The following MEIOC variants were observed in gnomAD, a reference collection of about 807,000 sequenced individuals.
MEIOC encodes the protein meiosis-specific coiled-coil domain-containing protein MEIOC.
Under a neutral mutation model 85.3 loss-of-function variants are expected in MEIOC, and 9 were observed. The ratio of observed to expected loss-of-function variants is 0.11; its 90% CI spans 0.06 to 0.18. The LOEUF (loss-of-function observed/expected upper bound fraction) is 0.18. Among genes scored for constraint, MEIOC ranks in the 10% least tolerant of loss-of-function variants. The pLI is 1.00. For missense variants in MEIOC, 898 were observed against 1,129.4 expected (o/e 0.80, Z 2.94); for synonymous variants, 365 against 393.7 (o/e 0.93, Z 0.86).
chr17:44,672,891 A>G lies in MEIOC; in HGVS notation c.2458-475A>G, dbSNP rs376033810. On this transcript the variant is annotated intron_variant, in intron 6 of 7. Transcript: ENST00000409122. ...AAAGCTATCACTAGTCAGTATTACT[A>G]TCTGAATATTTCTGATTTCCAAAAA... is the stretch of plus-strand genomic sequence containing the variant. Among the ~76,000 whole-genome samples, 25 of 152,336 alleles carry G rather than the reference A, an allele frequency of 1.6e-4. 1 individual carries two copies. Among genetic ancestry groups the G allele is most frequent in the Admixed American group, 3.3e-4 (5 of 15,296 alleles).
chr17:44,667,432 T>C lies in MEIOC; in HGVS notation c.1521T>C (p.Ala507=). Reference sequence around the variant, plus strand: ...AATTAAATAGTCATTTAAGTGCAGCTTCAAAAGGTTCTAACCATTCTTCAG... The same window carrying C: ...AATTAAATAGTCATTTAAGTGCAGCCTCAAAAGGTTCTAACCATTCTTCAG... The part of the protein sequence containing the change: ...LMKLNSHLSA[A]SKGSNHSSDF... Residue 507 remains alanine (A), a synonymous_variant, in exon 5 of 8, where the codon GCT becomes GCC. Coordinates refer to ENST00000409122, the MANE Select transcript of MEIOC (RefSeq NM_001145080.3). 6.2e-7 allele frequency: 1 copy of C among 1,613,774 alleles called. No homozygotes were observed. The highest frequency in any genetic ancestry group is 8.5e-7 in the Non-Finnish European group (1 of 1,179,800).
Position 44,667,175 on chromosome 17 carries a change from T to C in MEIOC, c.1264T>C (p.Tyr422His). The change falls in exon 5 of 8, where the codon TAT becomes CAT. Residue 422 changes from tyrosine to histidine, a missense_variant. Tyr to His is a moderately conservative substitution (Grantham distance 83). Transcript: ENST00000409122. ...TGCTGATTTTGGCTTAACATCAGAA[T>C]ATGGACTAAAACCTCACACAGCTTG... The part of the protein sequence containing the change: ...FTADFGLTSE[Y>H]GLKPHTACPA... 6.2e-7 allele frequency: 1 copy of C among 1,613,904 alleles called. No homozygotes were observed. The highest frequency in any genetic ancestry group is 8.5e-7 in the Non-Finnish European group (1 of 1,179,870).
chr17:44,672,418 G>A (rs935039623), intron 6 of MEIOC, among the ~76,000 whole-genome samples: 4 of 152,144 alleles, frequency 2.6e-5, no homozygotes, highest in African/African-American at 9.7e-5. Context: ...ACACAGTTGA[G>A]AGGAAAATAT....
In MEIOC at chr17:44,667,846, T is replaced by TA; in HGVS notation, c.1936dup (p.Ser646LysfsTer10). 6.2e-7 allele frequency: 1 copy of TA among 1,613,994 alleles called. No homozygotes were observed. Among genetic ancestry groups the TA allele is most frequent in the Non-Finnish European group, 8.5e-7 (1 of 1,179,896 alleles). Reference sequence around the variant, plus strand: ...TACTGGAGTCACAGGGTCATTCTAATAGCCACAGAACGAGAGGTGGAGACA... The same window carrying TA: ...TACTGGAGTCACAGGGTCATTCTAATAAGCCACAGAACGAGAGGTGGAGACA... On this transcript the variant is annotated frameshift_variant, in exon 5 of 8. Transcript: ENST00000409122. LOFTEE classifies it high-confidence loss of function.
downstream of MEIOC, chr17:44,676,875 G>T (rs1287625406): frequency 4.8e-5 from 39 of 817,462 alleles, no homozygotes; most frequent in Non-Finnish European, 5.8e-5. Flanking sequence ...AGACGTAAAG[G>T]ATTTATTAGC....
Position 44,666,477 on chromosome 17 carries a change from T to C in MEIOC, c.566T>C (p.Val189Ala), listed in dbSNP as rs1235969060. The C allele has an allele frequency of 1.3e-6, 2 of 1,584,124 alleles. No individual in the cohort carries two copies. The highest frequency in any genetic ancestry group is 2.7e-5 in the African/African-American group (2 of 74,436). Reference sequence around the variant, plus strand: ...GAAACCAAAAGGCCAATAGATACAGTCATCTCTCAGCAAGCTTTTTATAGT... The same window carrying C: ...GAAACCAAAAGGCCAATAGATACAGCCATCTCTCAGCAAGCTTTTTATAGT... ...LTETKRPIDTVISQQAFYSDE... is the reference protein window; with the variant it reads ...LTETKRPIDTAISQQAFYSDE... The change falls in exon 5 of 8, where the codon GTC (valine) becomes GCC (alanine). Residue 189 changes from valine to alanine, a missense_variant. Coordinates refer to ENST00000409122, the MANE Select transcript of MEIOC (RefSeq NM_001145080.3).
Position 44,667,645 on chromosome 17 carries a change from G to T in MEIOC, c.1734G>T (p.Thr578=). The T allele has an allele frequency of 6.2e-7, 1 of 1,612,202 alleles. No homozygotes were observed. Among genetic ancestry groups the T allele is most frequent in the Non-Finnish European group, 8.5e-7 (1 of 1,179,114 alleles). ...AAGAAAATCTCTTCAAATTGGTTACGGATAAAAAAATAAAGCAGCCAAATG... is the reference window on the plus strand; with the variant it reads ...AAGAAAATCTCTTCAAATTGGTTACTGATAAAAAAATAAAGCAGCCAAATG... ...PGEENLFKLV[T]DKKIKQPNGF... is the part of the protein sequence containing the mutation. Residue 578 remains threonine, a synonymous_variant, in exon 5 of 8, where the codon ACG becomes ACT. Transcript: ENST00000409122.
At chr17:44,669,561 A>T (rs1008126892) in intron 6 of MEIOC, 44 bp downstream of exon 6, 39 of 1,546,286 alleles carry the variant, frequency 2.5e-5, no homozygotes, top group Admixed American at 3.9e-5. Flanking sequence ...TTTTTGTTAA[A>T]TTTTTTTTAA....
intron 2 of MEIOC, among the ~76,000 whole-genome samples, chr17:44,660,238 A>T (rs1272518730): frequency 1.3e-5 from 2 of 151,238 alleles, no homozygotes; most frequent in East Asian, 1.9e-4. Context: ...ATTTTATTTT[A>T]TTTATTTATT....
Position 44,666,595 on chromosome 17 carries a change from T to C in MEIOC, c.684T>C (p.Thr228=). 6.2e-7 allele frequency: 1 copy of C among 1,610,978 alleles called. No homozygotes were observed. Among genetic ancestry groups the C allele is most frequent in the Non-Finnish European group, 8.5e-7 (1 of 1,178,350 alleles). The change falls in exon 5 of 8, where the codon ACT becomes ACC. Residue 228 remains threonine, a synonymous_variant. Transcript: ENST00000409122. ...TAGATGAACTTCATCATGGATTTAC[T>C]GGTTTAGATCTTGAAGAACAATGGA... ...QKIDELHHGF[T]GLDLEEQWMY...
chr17:44,664,937 AAATAG>A lies in MEIOC; in HGVS notation c.360-440_360-436del, dbSNP rs530853851. The stretch of plus-strand genomic sequence containing the variant: ...ATCCAATATTAATATAGAGTCACAA[AAATAG>A]AATAGAGCATCAGGTTCATATGGTT... On this transcript the variant is annotated intron_variant, in intron 3 of 7. Transcript: ENST00000409122. Among the ~76,000 whole-genome samples the A allele has an allele frequency of 5.8e-3, 888 of 152,322 alleles. 8 individuals carry two copies. Among genetic ancestry groups the A allele is most frequent in the African/African-American group, 0.02 (845 of 41,580 alleles).
rs771522520 is a variant in MEIOC at position 44,674,245 on chromosome 17, C to T, written c.*49C>T. The T allele has an allele frequency of 1.3e-6, 2 of 1,496,210 alleles. No individual in the cohort carries two copies. Among genetic ancestry groups the T allele is most frequent in the Middle Eastern group, 4.6e-4 (2 of 4,322 alleles). The allele number at this position is 1,496,210 out of a possible 1,614,324, so 92.7% of individuals were successfully genotyped here. ...TAAAAAGCTGATAAATATACCAAGA[C>T]ATGCTAAAAATGTTTTAATGAACTT... On this transcript the variant is annotated 3_prime_UTR_variant, in exon 8 of 8. Transcript: ENST00000409122.
chr17:44,667,939 T>C lies in MEIOC; in HGVS notation c.2028T>C (p.His676=). 9 of 1,613,930 alleles carry C rather than the reference T, an allele frequency of 5.6e-6. No homozygotes were observed. The highest frequency in any genetic ancestry group is 7.6e-6 in the Non-Finnish European group (9 of 1,179,844). ...SNNYMMGDLR[H]NQCFQQLGSN... Reference sequence around the variant, plus strand: ...ATTATATGATGGGAGATTTAAGGCATAATCAGTGTTTTCAACAACTTGGTT... The same window carrying C: ...ATTATATGATGGGAGATTTAAGGCACAATCAGTGTTTTCAACAACTTGGTT... Residue 676 remains histidine (H), a synonymous_variant, in exon 5 of 8, where the codon CAT becomes CAC. Transcript: ENST00000409122.
chr17:44,659,066 C>T (rs1380087853), intron 2 of MEIOC, among the ~76,000 whole-genome samples: 3 of 151,998 alleles, frequency 2.0e-5, no homozygotes, highest in African/African-American at 7.3e-5. Flanking sequence ...CTCACCAAGA[C>T]ATTTAGATTT....
intron 6 of MEIOC, chr17:44,669,721 G>T (rs975269085): frequency 4.1e-6 from 2 of 493,510 alleles, no homozygotes; most frequent in Non-Finnish European, 7.3e-6. Context: ...TTAGCTGGGG[G>T]TGGTGGCATG....
At chr17:44,657,089 G>T in intron 1 of MEIOC, 38 bp from the exon 2 acceptor site, 1 of 1,532,482 alleles carries the variant, frequency 6.5e-7, no homozygotes, top group South Asian at 1.2e-5. Context: ...TCACCCTCGT[G>T]ACCACTTTCT....
At chr17:44,658,603 T>C (rs1427359036) in intron 2 of MEIOC, among the ~76,000 whole-genome samples, 1 of 151,696 alleles carries the variant, frequency 6.6e-6, no homozygotes, top group African/African-American at 2.4e-5. Context: ...AAGACCAGCC[T>C]GGCCAACATG....
At chr17:44,669,853 C>CT (rs1324554302) in intron 6 of MEIOC, 5 of 196,650 alleles carry the variant, frequency 2.5e-5, no homozygotes, top group African/African-American at 9.4e-5. Flanking sequence ...GAGCGAGACT[C>CT]TATCTCAATA....
Position 44,656,690 on chromosome 17 carries a change from A to T in MEIOC, c.69+8A>T. The T allele has an allele frequency of 6.7e-7, 1 of 1,489,016 alleles. No individual in the cohort carries two copies. The highest frequency in any genetic ancestry group is 1.3e-5 in the South Asian group (1 of 77,444). 92.2% of individuals were successfully genotyped at this position (1,489,016 alleles called of 1,614,324 possible). On this transcript the variant is annotated splice_region_variant and intron_variant, in intron 1 of 7. Coordinates refer to ENST00000409122, the MANE Select transcript of MEIOC (RefSeq NM_001145080.3). ...AGGGAGGAAGGACTTGAGGTAATGG[A>T]TGAGGAAGGGCAGGGTCCAGGGGGC...
Sources: allele counts gnomAD v4.1 joint callset (sites outside exome capture counted in the v4.1 genomes callset), GRCh38; gene constraint gnomAD v4.1.1; transcripts MANE v1.5; gene names NCBI Gene and HGNC (gene_info 2026-07-23, HGNC 2026-07-21).